Variants in FRAS1 observed in about 807,000 individuals in gnomAD.
FRAS1 encodes extracellular matrix organizing protein FRAS1.
FRAS1 carries 290 observed loss-of-function variants against 435.2 expected under a neutral mutation model. The observed-to-expected ratio is 0.67, with a 90% CI of 0.61 to 0.73. The LOEUF (loss-of-function observed/expected upper bound fraction) is 0.73. Ranked by LOEUF, FRAS1 falls within the 30% of genes least tolerant of loss-of-function variation. The probability of loss-of-function intolerance (pLI) is 0.00; values close to 1 mark genes in which losing one functional copy is unlikely to be tolerated. For synonymous variants in FRAS1, 1,800 were observed against 1,851.0 expected (o/e 0.97, Z 0.71); for missense variants, 4,860 against 5,001.5 (o/e 0.97, Z 0.85).
At chr4:78,251,918 TGAGAGA>T (rs35796361) in intron 4 of FRAS1, among the ~76,000 whole-genome samples, 1 of 148,604 alleles carries the variant, frequency 6.7e-6, no homozygotes, top group Non-Finnish European at 1.5e-5. Context: ...CTGGAACAGT[TGAGAGA>T]GAGAGAGAGA....
intron 64 of FRAS1, 79 bp from the exon 65 acceptor site, chr4:78,513,313 A>T: frequency 1.4e-6 from 2 of 1,405,150 alleles, no homozygotes; most frequent in Non-Finnish European, 9.9e-7. Flanking sequence ...AAGACAAATT[A>T]GGTGATGAGA....
chr4:78,111,817 T>G (rs1742730097), intron 2 of FRAS1, among the ~76,000 whole-genome samples: 1 of 146,990 alleles, frequency 6.8e-6, no homozygotes, highest in Non-Finnish European at 1.5e-5. Flanking sequence ...AAGTCCTGAA[T>G]AGTTCACTGA....
At chr4:78,405,786 A>G (rs1220027643) in intron 30 of FRAS1, among the ~76,000 whole-genome samples, 3 of 152,120 alleles carry the variant, frequency 2.0e-5, no homozygotes, top group Non-Finnish European at 4.4e-5. Flanking sequence ...TCAGAGTGTT[A>G]GGGTGGCTTC....
rs1288792486 is a variant in FRAS1 at position 78,452,323 on chromosome 4, G to A, written c.6732G>A (p.Gln2244=). The stretch of plus-strand genomic sequence containing the variant: ...TCTACAGAATCACCAGACAGCCCCA[G>A]CTGGGCCACTTGGAACATGCAGCAT... ...ELIYRITRQP[Q]LGHLEHAASP... Residue 2244 remains glutamine (Q), a synonymous_variant, in exon 47 of 74, where the codon CAG becomes CAA. Coordinates refer to ENST00000512123, the MANE Select transcript of FRAS1 (RefSeq NM_025074.7). The A allele has an allele frequency of 2.5e-6, 4 of 1,608,684 alleles. No homozygotes were observed. In the African/African-American group the frequency reaches 5.4e-5, roughly 22 times the overall value.
rs72867963 is a variant in FRAS1 at position 78,393,969 on chromosome 4, A to G, written c.3975+6268A>G. ...AGTTTTGCTTTGCCTTTTTCTCATG[A>G]TTATGTATGCTTTTCATATACCTGT... On this transcript the variant is annotated intron_variant, in intron 29 of 73. Coordinates refer to ENST00000512123, the MANE Select transcript of FRAS1 (RefSeq NM_025074.7). 7.3e-3 allele frequency among the ~76,000 whole-genome samples: 1,114 copies of G among 151,812 alleles called. 15 individuals carry two copies. The highest frequency in any genetic ancestry group is 0.025 in the African/African-American group (1,050 of 41,442).
At position 78,277,179 on chromosome 4, in the gene FRAS1, G is replaced by A. The variant is rs541901997; in HGVS notation, c.982-1476G>A. Among the ~76,000 whole-genome samples the A allele has an allele frequency of 3.5e-4, 53 of 152,326 alleles. 1 individual carries two copies. The highest frequency in any genetic ancestry group is 3.1e-3 in the Admixed American group (47 of 15,304). ...ACCATTGGAAAAGCGCAGTATTAGG[G>A]TGGGAGTAACCCAATTTTCCAGGTG... is the stretch of plus-strand genomic sequence containing the variant. On this transcript the variant is annotated intron_variant, in intron 9 of 73. Transcript: ENST00000512123.
At chr4:78,086,923 T>G (rs1741212358) in intron 2 of FRAS1, among the ~76,000 whole-genome samples, 1 of 152,162 alleles carries the variant, frequency 6.6e-6, no homozygotes, top group African/African-American at 2.4e-5. Flanking sequence ...ACTCATTTTA[T>G]GAGGCCAGCA....
At chr4:78,111,887 A>G (rs1742735574) in intron 2 of FRAS1, among the ~76,000 whole-genome samples, 2 of 152,170 alleles carry the variant, frequency 1.3e-5, no homozygotes, top group African/African-American at 4.8e-5. Context: ...GAATAATATG[A>G]GAAAAGCAGG....
intron 2 of FRAS1, chr4:78,070,524 G>T (rs1459796594): frequency 6.6e-6 from 1 of 152,102 alleles, no homozygotes; most frequent in Non-Finnish European, 1.5e-5. Context: ...CTATTTTGGG[G>T]TGTGTTTCTT....
chr4:78,182,040 C>T (rs1270996811), intron 2 of FRAS1: 5 of 1,516,766 alleles, frequency 3.3e-6, no homozygotes, highest in East Asian at 4.6e-5. Flanking sequence ...TGTAAGTGCC[C>T]AGGCATGATG....
At chr4:78,273,857 T>A (rs1726849999) in intron 9 of FRAS1, among the ~76,000 whole-genome samples, 1 of 152,216 alleles carries the variant, frequency 6.6e-6, no homozygotes, top group Non-Finnish European at 1.5e-5. Flanking sequence ...TTCCCTCTTT[T>A]TCTATTGAAT....
chr4:78,292,840 A>G (rs984186833), intron 14 of FRAS1, among the ~76,000 whole-genome samples: 2 of 152,180 alleles, frequency 1.3e-5, no homozygotes, highest in South Asian at 4.1e-4. Flanking sequence ...GGGGCCCTGC[A>G]TGTTTCTACC....
chr4:78,066,764 T>C (rs1190184201), intron 2 of FRAS1, among the ~76,000 whole-genome samples: 5 of 152,242 alleles, frequency 3.3e-5, no homozygotes. Flanking sequence ...TTTGCTCATT[T>C]ACATCACAAC....
At chr4:78,524,313 A>G (rs1214800425) in intron 69 of FRAS1, among the ~76,000 whole-genome samples, 2 of 152,190 alleles carry the variant, frequency 1.3e-5, no homozygotes. Flanking sequence ...ACATAGATAA[A>G]TGGCAAAATG....
At chr4:78,468,819 C>T (rs1719616873) in intron 50 of FRAS1, among the ~76,000 whole-genome samples, 1 of 152,216 alleles carries the variant, frequency 6.6e-6, no homozygotes, top group African/African-American at 2.4e-5. Flanking sequence ...GGCATATGTA[C>T]ACCTTTCTAT....
At chr4:78,119,473 G>C (rs1272653912) in intron 2 of FRAS1, among the ~76,000 whole-genome samples, 1 of 152,038 alleles carries the variant, frequency 6.6e-6, no homozygotes, top group Non-Finnish European at 1.5e-5. Flanking sequence ...ATTTAACATA[G>C]TGTCCTCTAG....
At chr4:78,258,670 T>TTTTTAAC (rs1725917148) in intron 6 of FRAS1, among the ~76,000 whole-genome samples, 1 of 149,088 alleles carries the variant, frequency 6.7e-6, no homozygotes, top group Non-Finnish European at 1.5e-5. Context: ...TTTTCATCCT[T>TTTTTAAC]TTTTAACTTT....
chr4:78,512,831 G>A (rs11943426), intron 64 of FRAS1, among the ~76,000 whole-genome samples: 21,968 of 152,284 alleles, frequency 0.14, 1,905 homozygotes, highest in Non-Finnish European at 0.21. Flanking sequence ...CTTACAGGCA[G>A]ACTGGAGAGA....
intron 47 of FRAS1, among the ~76,000 whole-genome samples, chr4:78,462,684 G>C (rs1719406399): frequency 6.6e-6 from 1 of 152,132 alleles, no homozygotes. Context: ...TTTAAAGAAT[G>C]GTATGGATTT....
Sources: allele counts gnomAD v4.1 joint callset (sites outside exome capture counted in the v4.1 genomes callset), GRCh38; gene constraint gnomAD v4.1.1; transcripts MANE v1.5; gene names NCBI Gene and HGNC (gene_info 2026-07-23, HGNC 2026-07-21).